FAM184A: variants seen among roughly 807,000 people sequenced by gnomAD.
The protein encoded by FAM184A is protein FAM184A.
Under a neutral mutation model 143.8 loss-of-function variants are expected in FAM184A, and 99 were observed. The ratio of observed to expected loss-of-function variants is 0.69; its 90% CI spans 0.58 to 0.81. The LOEUF is 0.81. Among genes scored for constraint, FAM184A ranks in the 40% least tolerant of loss-of-function variants. The pLI, the probability that FAM184A is intolerant of heterozygous loss-of-function variation, is 0.00. For missense variants in FAM184A, 1,217 were observed against 1,310.5 expected, an observed-to-expected ratio of 0.93 and a Z score of 1.10; for synonymous variants, 427 against 446.4, an observed-to-expected ratio of 0.96 and a Z score of 0.55.
intron 1 of FAM184A, among the ~76,000 whole-genome samples, chr6:119,123,037 T>G (rs1019578775): frequency 1.3e-5 from 2 of 148,644 alleles, no homozygotes; most frequent in African/African-American, 5.0e-5. Flanking sequence ...TGAAAACCCT[T>G]ACTGTGCATT....
intron 1 of FAM184A, among the ~76,000 whole-genome samples, chr6:119,086,083 T>C (rs900628845): frequency 6.6e-6 from 1 of 152,080 alleles, no homozygotes; most frequent in Non-Finnish European, 1.5e-5. Flanking sequence ...ATCCAAACCA[T>C]ATCACACCCA....
chr6:119,048,733 CAGAGAGT>C (rs967449857), intron 1 of FAM184A, among the ~76,000 whole-genome samples: 1 of 152,008 alleles, frequency 6.6e-6, no homozygotes, highest in African/African-American at 2.4e-5. Flanking sequence ...CTCATGGACA[CAGAGAGT>C]AGAATGATGG....
intron 1 of FAM184A, among the ~76,000 whole-genome samples, chr6:119,071,385 T>C (rs549160754): frequency 3.3e-5 from 5 of 152,370 alleles, no homozygotes; most frequent in African/African-American, 1.2e-4. Context: ...GTCTCTAAGT[T>C]AATGTTATTT....
At chr6:118,999,746 T>C (rs1236727627) in intron 9 of FAM184A, among the ~76,000 whole-genome samples, 1 of 152,236 alleles carries the variant, frequency 6.6e-6, no homozygotes. Flanking sequence ...CATTTGCTGA[T>C]ATCTGTGATA....
chr6:118,979,559 G>C (rs749276250), intron 10 of FAM184A, 41 bp from the exon 11 acceptor site: 2 of 1,462,854 alleles, frequency 1.4e-6, no homozygotes, highest in Non-Finnish European at 1.8e-6. Context: ...TAGAATATAG[G>C]AAGGAAAATG....
At chr6:119,070,251 A>G (rs546018336) in intron 1 of FAM184A, among the ~76,000 whole-genome samples, 3 of 152,294 alleles carry the variant, frequency 2.0e-5, no homozygotes, top group African/African-American at 7.2e-5. Context: ...TTGGTAGAAA[A>G]GAAAGATGTA....
At chr6:118,998,539 A>G (rs1333866040) in intron 9 of FAM184A, among the ~76,000 whole-genome samples, 2 of 152,242 alleles carry the variant, frequency 1.3e-5, no homozygotes, top group African/African-American at 4.8e-5. Flanking sequence ...AAAGCATAGG[A>G]GGCTAGTGAA....
At chr6:119,095,900 C>G (rs1279685101) in intron 1 of FAM184A, among the ~76,000 whole-genome samples, 1 of 152,174 alleles carries the variant, frequency 6.6e-6, no homozygotes, top group East Asian at 1.9e-4. Context: ...TCCAGTCCAT[C>G]TTCCATTGCC....
intron 1 of FAM184A, among the ~76,000 whole-genome samples, chr6:119,035,281 T>C (rs1167767455): frequency 1.3e-5 from 2 of 152,114 alleles, no homozygotes; most frequent in East Asian, 3.9e-4. Flanking sequence ...CAGGCTATGA[T>C]AGGAAGAGGG....
intron 1 of FAM184A, among the ~76,000 whole-genome samples, chr6:119,044,187 A>C (rs1786444886): frequency 6.6e-6 from 1 of 152,224 alleles, no homozygotes; most frequent in Non-Finnish European, 1.5e-5. Context: ...TTATGCAAGA[A>C]AAAGAAATAT....
chr6:119,091,150 T>G (rs1442919528), intron 1 of FAM184A, among the ~76,000 whole-genome samples: 1 of 152,216 alleles, frequency 6.6e-6, no homozygotes, highest in Non-Finnish European at 1.5e-5. Flanking sequence ...TGCTACGTAT[T>G]GATACAAGTC....
chr6:118,980,816 A>G (rs1414944492), intron 9 of FAM184A, among the ~76,000 whole-genome samples: 2 of 152,168 alleles, frequency 1.3e-5, no homozygotes, highest in Non-Finnish European at 2.9e-5. Flanking sequence ...TCAACACCTC[A>G]CCAGGCTATG....
intron 1 of FAM184A, among the ~76,000 whole-genome samples, chr6:119,129,408 C>T (rs954075136): frequency 6.6e-6 from 1 of 152,190 alleles, no homozygotes; most frequent in African/African-American, 2.4e-5. Context: ...TGTGGTGGGG[C>T]TTTCCTGATC....
chr6:119,086,336 G>A (rs2114813829), intron 1 of FAM184A, among the ~76,000 whole-genome samples: 1 of 152,296 alleles, frequency 6.6e-6, no homozygotes. Context: ...TAAAAGTCTA[G>A]TGAAGACAGA....
chr6:119,078,111 C>T lies in FAM184A; in HGVS notation c.159+30G>A. The T allele has an allele frequency of 6.4e-7, 1 of 1,557,934 alleles. No homozygotes were observed. The highest frequency in any genetic ancestry group is 8.6e-7 in the Non-Finnish European group (1 of 1,156,138). The stretch of plus-strand genomic sequence containing the variant: ...GAGTCCGGCGCGGCCCGCACGGGGT[C>T]GCCACCTGCCCCGTCGCTGCCCCCC... On this transcript the variant is annotated intron_variant, in intron 1 of 17. Coordinates refer to ENST00000338891, the MANE Select transcript of FAM184A (RefSeq NM_024581.6). The surrounding 1 kb of genome is among the most constrained non-coding windows in gnomAD (Gnocchi z 5.5).
chr6:119,071,731 A>G (rs1214018037), intron 1 of FAM184A, among the ~76,000 whole-genome samples: 1 of 152,166 alleles, frequency 6.6e-6, no homozygotes, highest in Non-Finnish European at 1.5e-5. Flanking sequence ...ACCCCCACCT[A>G]GACCAATCTA....
upstream of FAM184A, among the ~76,000 whole-genome samples, chr6:119,082,430 A>G (rs912119466): frequency 2.6e-5 from 4 of 152,236 alleles, no homozygotes; most frequent in Non-Finnish European, 5.9e-5. Flanking sequence ...CCAAAGTCTC[A>G]TCTGAGACAA....
intron 1 of FAM184A, among the ~76,000 whole-genome samples, chr6:119,034,601 T>C (rs937631150): frequency 1.3e-5 from 2 of 151,546 alleles, no homozygotes; most frequent in African/African-American, 4.8e-5. Context: ...TTGCTTTTTG[T>C]TTTTTTATTT....
chr6:119,034,624 A>AT (rs1786041993), intron 1 of FAM184A, among the ~76,000 whole-genome samples: 2 of 150,000 alleles, frequency 1.3e-5, no homozygotes, highest in Admixed American at 6.6e-5. Flanking sequence ...TCATATTAAC[A>AT]TTTTTTAGAG....
Sources: allele counts gnomAD v4.1 joint callset (sites outside exome capture counted in the v4.1 genomes callset), GRCh38; gene constraint gnomAD v4.1.1; non-coding constraint Gnocchi (gnomAD v3.1); transcripts MANE v1.5; gene names NCBI Gene and HGNC (gene_info 2026-07-23, HGNC 2026-07-21).